KLHL4: variants seen among roughly 807,000 people sequenced by gnomAD.
KLHL4 encodes the protein kelch-like protein 4.
A neutral mutation model predicts 45.8 loss-of-function variants in KLHL4; 17 were observed. That is an observed-to-expected ratio of 0.37 (90% CI 0.25 to 0.56). The LOEUF (loss-of-function observed/expected upper bound fraction) is 0.56, where lower values mean the gene tolerates loss of function less well. Ranked by LOEUF, KLHL4 falls within the 20% of genes least tolerant of loss-of-function variation. KLHL4 has a pLI of 0.79. For synonymous variants in KLHL4, 224 were observed against 189.9 expected (o/e 1.18, Z -1.47); for missense variants, 544 against 544.9 (o/e 1.00, Z 0.02).
intron 1 of KLHL4, among the ~76,000 whole-genome samples, chrX:87,610,630 G>A (rs1046944642): frequency 6.3e-5 from 7 of 111,679 alleles, no homozygotes; most frequent in Non-Finnish European, 1.3e-4. Flanking sequence ...ATATATGATA[G>A]TAGAAAAATA....
chrX:87,549,219 T>C (rs1051373002), intron 1 of KLHL4, among the ~76,000 whole-genome samples: 19 of 110,858 alleles, frequency 1.7e-4, no homozygotes, highest in African/African-American at 5.9e-4. Flanking sequence ...AAAGGATACA[T>C]AATAGCAACG....
At chrX:87,579,309 C>T (rs1280080391) in intron 1 of KLHL4, among the ~76,000 whole-genome samples, 1 of 110,891 alleles carries the variant, frequency 9.0e-6, no homozygotes, top group African/African-American at 3.3e-5. Flanking sequence ...GAGAAGCTTC[C>T]AGAATATTCA....
chrX:87,591,948 A>G (rs1921679103), intron 1 of KLHL4, among the ~76,000 whole-genome samples: 1 of 110,903 alleles, frequency 9.0e-6, no homozygotes, highest in Admixed American at 9.6e-5. Flanking sequence ...ATTACTGGAT[A>G]TTAACTCTAT....
At chrX:87,632,543 G>T in intron 7 of KLHL4, 109 bp downstream of exon 7, 1 of 476,347 alleles carries the variant, frequency 2.1e-6, no homozygotes, top group Non-Finnish European at 3.4e-6. Context: ...TAGTGAAAAT[G>T]TCTCCAAAAT....
At chrX:87,531,030 G>A (rs1931260123) in intron 1 of KLHL4, among the ~76,000 whole-genome samples, 1 of 112,254 alleles carries the variant, frequency 8.9e-6, no homozygotes, top group Admixed American at 9.4e-5. Context: ...GCGATGGTGA[G>A]CATTTTTTCA....
chrX:87,563,314 A>G (rs1044562389), intron 1 of KLHL4, among the ~76,000 whole-genome samples: 1 of 110,247 alleles, frequency 9.1e-6, no homozygotes, highest in African/African-American at 3.3e-5. Context: ...AACAATGATC[A>G]ATCCAGGGGT....
intron 1 of KLHL4, among the ~76,000 whole-genome samples, chrX:87,559,621 AAC>A (rs1431586403): frequency 8.9e-6 from 1 of 111,834 alleles, no homozygotes; most frequent in Non-Finnish European, 1.9e-5. Flanking sequence ...TAGAGAACCA[AAC>A]ACACTTAAAA....
chrX:87,666,987 T>G lies in KLHL4; in HGVS notation c.*453T>G. 1.4e-6 allele frequency: 1 copy of G among 703,797 alleles called. No individual in the cohort carries two copies. The highest frequency in any genetic ancestry group is 1.7e-6 in the Non-Finnish European group (1 of 593,329). The allele number at this position is 703,797 out of a possible 1,213,427, so 58.0% of individuals were successfully genotyped here. ...AGGTAACATCTAAAGCTTAGAATAG[T>G]GTGATTTTTAGTAAGCCATTATTCT... On this transcript the variant is annotated 3_prime_UTR_variant, in exon 11 of 11. Coordinates refer to ENST00000373119, the MANE Select transcript of KLHL4 (RefSeq NM_019117.5).
chrX:87,658,007 C>T (rs752027849), intron 9 of KLHL4, among the ~76,000 whole-genome samples: 1 of 112,116 alleles, frequency 8.9e-6, no homozygotes, highest in African/African-American at 3.2e-5. Flanking sequence ...ATTTAGCAGG[C>T]GGCAGTGAGA....
intron 1 of KLHL4, among the ~76,000 whole-genome samples, chrX:87,530,020 T>C (rs1931214293): frequency 9.0e-6 from 1 of 111,531 alleles, no homozygotes; most frequent in African/African-American, 3.3e-5. Flanking sequence ...TCCTGGATAT[T>C]AGCCCTTTGT....
At chrX:87,591,090 A>G (rs747362384) in intron 1 of KLHL4, among the ~76,000 whole-genome samples, 26 of 111,762 alleles carry the variant, frequency 2.3e-4, no homozygotes, top group Non-Finnish European at 4.7e-4. Context: ...GGCCGTACTA[A>G]TTTACATTCC....
intron 6 of KLHL4, among the ~76,000 whole-genome samples, chrX:87,628,056 G>T (rs915623788): frequency 3.6e-5 from 4 of 111,512 alleles, no homozygotes; most frequent in Non-Finnish European, 7.5e-5. Flanking sequence ...TGAATTCCTG[G>T]TATACGGAGA....
chrX:87,662,658 A>G (rs1440755277), intron 9 of KLHL4, among the ~76,000 whole-genome samples: 1 of 111,422 alleles, frequency 9.0e-6, no homozygotes, highest in African/African-American at 3.3e-5. Context: ...GGCTGGGCGC[A>G]GTGGCTCACA....
At chrX:87,530,111 A>C (rs866464967) in intron 1 of KLHL4, among the ~76,000 whole-genome samples, 1 of 110,488 alleles carries the variant, frequency 9.1e-6, no homozygotes, top group African/African-American at 3.3e-5. Flanking sequence ...TGCTGTGCAG[A>C]AGCTCTTTAG....
At chrX:87,540,470 T>A (rs1179742379) in intron 1 of KLHL4, among the ~76,000 whole-genome samples, 3 of 111,860 alleles carry the variant, frequency 2.7e-5, no homozygotes, top group Non-Finnish European at 5.6e-5. Flanking sequence ...TTCTGTTTTT[T>A]ACATTTTTAT....
rs1468338039 is a variant in KLHL4 at position 87,554,061 on chromosome X, T to G, written c.422+35746T>G. On this transcript the variant is annotated intron_variant, in intron 1 of 10. Transcript: ENST00000373119. Reference sequence around the variant, plus strand: ...GGCATTATTTCTGAGGGCTCTGTTCTGTTCCATTGATCTATATCTCTGTTT... The same window carrying G: ...GGCATTATTTCTGAGGGCTCTGTTCGGTTCCATTGATCTATATCTCTGTTT... Among the ~76,000 whole-genome samples the G allele has an allele frequency of 3.9e-5, 4 of 101,416 alleles. No homozygotes were observed. In the Middle Eastern group the frequency reaches 0.014, roughly 362 times the overall value. 88.1% of individuals were successfully genotyped at this position (101,416 alleles called of 115,157 possible). A position where few individuals can be genotyped will look rare whatever the true frequency, so the allele number is the denominator to read the frequency against.
intron 1 of KLHL4, among the ~76,000 whole-genome samples, chrX:87,545,392 G>A (rs1382384974): frequency 1.8e-5 from 2 of 111,143 alleles, no homozygotes; most frequent in African/African-American, 3.3e-5. Flanking sequence ...TAGTGAATGC[G>A]TTTCATGAGA....
intron 1 of KLHL4, among the ~76,000 whole-genome samples, chrX:87,574,721 G>T (rs1427499419): frequency 2.7e-5 from 3 of 111,582 alleles, no homozygotes; most frequent in East Asian, 2.8e-4. Context: ...ATCTGGAGAG[G>T]CTTCATGGTA....
At chrX:87,519,801 T>A (rs1157851868) in intron 1 of KLHL4, among the ~76,000 whole-genome samples, 2 of 112,159 alleles carry the variant, frequency 1.8e-5, no homozygotes, top group Admixed American at 9.5e-5. Context: ...TGAATTTAAC[T>A]CTGCTGTAGG....
Sources: gnomAD v4.1 joint callset for allele counts (sites outside exome capture counted in the v4.1 genomes callset) on GRCh38, gnomAD v4.1.1 for gene constraint, MANE v1.5 for transcripts, NCBI Gene and HGNC (gene_info 2026-07-23, HGNC 2026-07-21) for gene names.